Variants in PLCL1 observed in about 807,000 individuals in gnomAD.
PLCL1 encodes inactive phospholipase C-like protein 1.
In PLCL1, 41 loss-of-function variants were observed where a neutral mutation model predicts 84.4. That is an observed-to-expected ratio of 0.49 (90% confidence interval 0.38 to 0.63). The LOEUF is 0.63. Ranked by LOEUF, PLCL1 falls within the 30% of genes least tolerant of loss-of-function variation. The pLI is 0.00. For synonymous variants in PLCL1, 490 were observed against 488.3 expected (o/e 1.00, Z -0.05); for missense variants, 1,206 against 1,367.8 (o/e 0.88, Z 1.87).
At chr2:198,089,800 T>C (rs1479853929) in intron 3 of PLCL1, among the ~76,000 whole-genome samples, 1 of 152,144 alleles carries the variant, frequency 6.6e-6, no homozygotes, top group Non-Finnish European at 1.5e-5. Context: ...GCAATTCACT[T>C]ACCCCCCACC....
intron 1 of PLCL1, among the ~76,000 whole-genome samples, chr2:197,949,557 C>T (rs1007108305): frequency 2.6e-5 from 4 of 152,114 alleles, no homozygotes; most frequent in African/African-American, 9.7e-5. Context: ...CAAAAGGAAA[C>T]CAGAGAACAA....
At chr2:197,981,498 G>C (rs1288342993) in intron 1 of PLCL1, among the ~76,000 whole-genome samples, 3 of 152,142 alleles carry the variant, frequency 2.0e-5, no homozygotes, top group South Asian at 4.1e-4. Flanking sequence ...GATCTGTATA[G>C]GTTATTTGCA....
chr2:197,866,623 T>G (rs1319021358), intron 1 of PLCL1, among the ~76,000 whole-genome samples: 2 of 151,344 alleles, frequency 1.3e-5, no homozygotes, highest in Non-Finnish European at 2.9e-5. Flanking sequence ...ATCTAATAAC[T>G]CTCTAGAGGT....
At chr2:197,836,053 A>G (rs1026090874) in intron 1 of PLCL1, among the ~76,000 whole-genome samples, 1 of 152,198 alleles carries the variant, frequency 6.6e-6, no homozygotes, top group Non-Finnish European at 1.5e-5. Flanking sequence ...ATGTTTTGCT[A>G]TATCTATAGA....
At chr2:197,917,277 A>C (rs539158583) in intron 1 of PLCL1, among the ~76,000 whole-genome samples, 1 of 152,350 alleles carries the variant, frequency 6.6e-6, no homozygotes, top group South Asian at 2.1e-4. Context: ...TGATTAGATA[A>C]ATTGTGGTAT....
At chr2:197,833,348 T>G (rs1010894985) in intron 1 of PLCL1, among the ~76,000 whole-genome samples, 7 of 151,976 alleles carry the variant, frequency 4.6e-5, no homozygotes, top group Admixed American at 2.0e-4. Flanking sequence ...GCAAGAGAAA[T>G]AAATAAAGAT....
chr2:198,023,008 G>T (rs972503865), intron 1 of PLCL1, among the ~76,000 whole-genome samples: 2 of 152,142 alleles, frequency 1.3e-5, no homozygotes, highest in South Asian at 2.1e-4. Flanking sequence ...ATACTGCAAG[G>T]CTACAGTAAT....
intron 1 of PLCL1, among the ~76,000 whole-genome samples, chr2:197,849,319 G>A (rs1051840511): frequency 3.9e-5 from 6 of 152,152 alleles, no homozygotes; most frequent in Admixed American, 3.9e-4. Context: ...GGCTGAGGTG[G>A]GAGGATTGCT....
intron 1 of PLCL1, among the ~76,000 whole-genome samples, chr2:198,047,217 C>T (rs946554412): frequency 3.0e-4 from 46 of 151,972 alleles, no homozygotes; most frequent in African/African-American, 1.1e-3. Context: ...GGGAGTCTCA[C>T]ACTGTCGCCA....
intron 1 of PLCL1, among the ~76,000 whole-genome samples, chr2:198,018,521 C>T (rs990122344): frequency 6.6e-6 from 1 of 152,284 alleles, no homozygotes; most frequent in Middle Eastern, 3.4e-3. Context: ...TGAAATTGAC[C>T]TGGGACACTC....
rs913885287 is a variant in PLCL1, at chr2:197,810,117, G to T, written c.240+4778G>T. On this transcript the variant is annotated intron_variant, in intron 1 of 5. Transcript: ENST00000428675. ...GCTTCAGCTGCGGCTCTCCTCCCGAGATGTGATTTGGCTGCATGAATGGCA... is the reference window on the plus strand; with the variant it reads ...GCTTCAGCTGCGGCTCTCCTCCCGATATGTGATTTGGCTGCATGAATGGCA... The T allele has an allele frequency of 2.0e-5, 5 of 252,550 alleles. No homozygotes were observed. The Admixed American group carries it at 2.2e-4, about 11-fold the overall frequency. The allele number at this position is 252,550 out of a possible 1,614,324, so 15.6% of individuals were successfully genotyped here. A position where few individuals can be genotyped will look rare whatever the true frequency, so the allele number is the denominator to read the frequency against.
intron 1 of PLCL1, among the ~76,000 whole-genome samples, chr2:197,864,673 C>T (rs1559028936): frequency 6.6e-6 from 1 of 151,940 alleles, no homozygotes; most frequent in Non-Finnish European, 1.5e-5. Context: ...GGGGTTTCAC[C>T]ATGTTGCCCC....
chr2:198,101,320 G>A lies in PLCL1; in HGVS notation c.2955G>A (p.Ala985=), dbSNP rs2228136. 3.7e-3 allele frequency: 5,949 copies of A among 1,599,926 alleles called. 183 individuals carry two copies. In the African/African-American group the frequency reaches 0.07, roughly 19 times the overall value. ...AGAGCCGGTTTCTCATAGAAATGGCGGACACAGTCCAGGAAAAGATTGTAC... is the reference window on the plus strand; with the variant it reads ...AGAGCCGGTTTCTCATAGAAATGGCAGACACAGTCCAGGAAAAGATTGTAC... ...IQESRFLIEM[A]DTVQEKIVQC... is the part of the protein sequence containing the mutation. The change falls in exon 4 of 6, where the codon GCG becomes GCA. Residue 985 remains alanine, a synonymous_variant. Coordinates refer to ENST00000428675, the MANE Select transcript of PLCL1 (RefSeq NM_006226.4).
At position 198,085,066 on chromosome 2, in the gene PLCL1, A is replaced by G. The variant is rs1466861961; in HGVS notation, c.1549A>G (p.Thr517Ala). The G allele has an allele frequency of 6.2e-7, 1 of 1,613,946 alleles. No homozygotes were observed. The highest frequency in any genetic ancestry group is 8.5e-7 in the Non-Finnish European group (1 of 1,179,946). The change falls in exon 2 of 6, where the codon ACT (threonine) becomes GCT (alanine). Residue 517 changes from threonine (T) to alanine (A), a missense_variant. Thr to Ala is a moderately conservative substitution (Grantham distance 58). Coordinates refer to ENST00000428675, the MANE Select transcript of PLCL1 (RefSeq NM_006226.4). This position sits in a 1 kb window ranked among gnomAD's most constrained non-coding sequence, Gnocchi z 5.3. ...AAAGGTCTTTGGCAATAAACTCTAT[A>G]CTGAAGCACCTTTGCCCTCAGAATC... ...MKKVFGNKLY[T>A]EAPLPSESYL...
intron 1 of PLCL1, among the ~76,000 whole-genome samples, chr2:197,931,201 G>A (rs1039146401): frequency 2.6e-5 from 4 of 152,182 alleles, no homozygotes; most frequent in Non-Finnish European, 5.9e-5. Flanking sequence ...AGTATCTATT[G>A]CTAGCAAGAA....
intron 1 of PLCL1, among the ~76,000 whole-genome samples, chr2:197,918,027 A>C (rs1688629091): frequency 6.6e-6 from 1 of 152,238 alleles, no homozygotes; most frequent in Non-Finnish European, 1.5e-5. Context: ...GTAACTTTAC[A>C]GTGGAGAAAC....
intron 1 of PLCL1, among the ~76,000 whole-genome samples, chr2:198,069,395 G>T (rs1364786317): frequency 6.6e-6 from 1 of 152,042 alleles, no homozygotes; most frequent in Non-Finnish European, 1.5e-5. Context: ...AGGCTGAGGC[G>T]AGAGGATTGC....
At chr2:197,920,665 G>A (rs950104161) in intron 1 of PLCL1, among the ~76,000 whole-genome samples, 1 of 152,184 alleles carries the variant, frequency 6.6e-6, no homozygotes, top group African/African-American at 2.4e-5. Flanking sequence ...AGTGTCTAGT[G>A]TAAAAAGATA....
chr2:197,921,388 T>C (rs76450397), intron 1 of PLCL1, among the ~76,000 whole-genome samples: 29,318 of 151,930 alleles, frequency 0.19, 2,894 homozygotes, highest in East Asian at 0.27. Context: ...TTAATAGGGG[T>C]CCTTTTCAAA....
Sources: gnomAD v4.1 joint callset for allele counts (sites outside exome capture counted in the v4.1 genomes callset) on GRCh38, gnomAD v4.1.1 for gene constraint, Gnocchi (gnomAD v3.1) non-coding constraint, MANE v1.5 for transcripts, NCBI Gene and HGNC (gene_info 2026-07-23, HGNC 2026-07-21) for gene names.